The following PRIM2 variants were observed in gnomAD, a reference collection of about 807,000 sequenced individuals.
The protein encoded by PRIM2 is DNA primase subunit 2.
In PRIM2, 39 loss-of-function variants were observed where a neutral mutation model predicts 67.3. The ratio of observed to expected loss-of-function variants is 0.58; its 90% confidence interval spans 0.45 to 0.76. PRIM2 has a LOEUF of 0.76. Among genes scored for constraint, PRIM2 ranks in the 30% least tolerant of loss-of-function variants. The pLI, the probability that PRIM2 is intolerant of heterozygous loss-of-function variation, is 0.00. For missense variants in PRIM2, 398 were observed against 598.7 expected (o/e 0.66, Z 3.50); for synonymous variants, 143 against 198.7 (o/e 0.72, Z 2.36).
intron 13 of PRIM2, among the ~76,000 whole-genome samples, chr6:57,638,861 T>G (rs1428793299): frequency 3.3e-5 from 5 of 152,060 alleles, no homozygotes; most frequent in Non-Finnish European, 7.4e-5. Flanking sequence ...GACAGAAAAT[T>G]AACAAGGATA....
chr6:57,269,906 G>C, the PRIM2 span, among the ~76,000 whole-genome samples: 1 of 152,174 alleles, frequency 6.6e-6, no homozygotes, highest in East Asian at 1.9e-4. Flanking sequence ...CCCATTGCTT[G>C]TTTTTGTGAG....
intron 12 of PRIM2, among the ~76,000 whole-genome samples, chr6:57,630,341 G>T (rs1283569393): frequency 2.6e-5 from 4 of 152,058 alleles, no homozygotes; most frequent in Non-Finnish European, 5.9e-5. Flanking sequence ...CCCTCTCTGC[G>T]AGTGGGGTCA....
intron 7 of PRIM2, among the ~76,000 whole-genome samples, chr6:57,394,324 T>A (rs1029777009): frequency 1.3e-5 from 2 of 152,340 alleles, no homozygotes; most frequent in East Asian, 1.9e-4. Flanking sequence ...GTTTGTGTTA[T>A]CTATGATTTC....
At chr6:57,417,373 T>C (rs1361166549) in intron 7 of PRIM2, among the ~76,000 whole-genome samples, 8 of 152,210 alleles carry the variant, frequency 5.3e-5, no homozygotes, top group Admixed American at 5.2e-4. Context: ...ACATGAGGCC[T>C]AGCTTTCAAC....
intron 7 of PRIM2, among the ~76,000 whole-genome samples, chr6:57,465,173 C>A (rs1259833478): frequency 1.3e-5 from 2 of 152,088 alleles, no homozygotes; most frequent in African/African-American, 4.8e-5. Context: ...TGGGAAATTC[C>A]TATGTGTGGA....
chr6:57,245,843 C>T, the PRIM2 span, among the ~76,000 whole-genome samples: 3 of 152,240 alleles, frequency 2.0e-5, no homozygotes. Context: ...CATGAGAGTG[C>T]ACTTGGATTA....
chr6:57,272,178 A>G, the PRIM2 span, among the ~76,000 whole-genome samples: 1 of 152,260 alleles, frequency 6.6e-6, no homozygotes, highest in East Asian at 1.9e-4. Context: ...ATTCCTGGGT[A>G]TCCTTGTTAA....
chr6:57,395,663 T>G (rs528090492), intron 7 of PRIM2, among the ~76,000 whole-genome samples: 1 of 152,286 alleles, frequency 6.6e-6, no homozygotes, highest in Admixed American at 6.5e-5. Flanking sequence ...CAGTTTCATT[T>G]AATTCTGCTC....
At chr6:57,528,704 C>A (rs1362584303) in intron 8 of PRIM2, among the ~76,000 whole-genome samples, 1 of 152,208 alleles carries the variant, frequency 6.6e-6, no homozygotes, top group Admixed American at 6.5e-5. Context: ...GACTAAGAAG[C>A]TGAGACTTAT....
intron 13 of PRIM2, among the ~76,000 whole-genome samples, chr6:57,636,935 C>T (rs1424398850): frequency 6.6e-6 from 1 of 152,150 alleles, no homozygotes; most frequent in African/African-American, 2.4e-5. Flanking sequence ...TCAAGTGGGT[C>T]CCTGACCACC....
the PRIM2 span, among the ~76,000 whole-genome samples, chr6:57,280,478 C>T: frequency 6.6e-6 from 1 of 151,946 alleles, no homozygotes; most frequent in Non-Finnish European, 1.5e-5. Context: ...TAGGTCCTTC[C>T]CCCAGCTTCC....
At chr6:57,259,799 C>T in the PRIM2 span, among the ~76,000 whole-genome samples, 1 of 152,192 alleles carries the variant, frequency 6.6e-6, no homozygotes, top group Admixed American at 6.5e-5. Flanking sequence ...GAGTCCCCAT[C>T]CCACTGCCCA....
At chr6:57,458,451 A>G (rs1255615091) in intron 7 of PRIM2, among the ~76,000 whole-genome samples, 9 of 152,192 alleles carry the variant, frequency 5.9e-5, no homozygotes, top group African/African-American at 2.2e-4. Context: ...TGGGAGGCCA[A>G]GGTGGGCAGA....
chr6:57,260,504 A>G, the PRIM2 span, among the ~76,000 whole-genome samples: 1 of 152,178 alleles, frequency 6.6e-6, no homozygotes, highest in Non-Finnish European at 1.5e-5. Flanking sequence ...TCAGCAATTT[A>G]TTTCATTTTT....
intron 13 of PRIM2, among the ~76,000 whole-genome samples, chr6:57,638,981 T>C (rs1475975220): frequency 6.6e-6 from 1 of 152,166 alleles, no homozygotes; most frequent in Non-Finnish European, 1.5e-5. Flanking sequence ...ATTGCACTTA[T>C]TCTAAAATTG....
chr6:57,640,003 T>C (rs1356421574), intron 13 of PRIM2, among the ~76,000 whole-genome samples: 1 of 152,014 alleles, frequency 6.6e-6, no homozygotes, highest in African/African-American at 2.4e-5. Context: ...ACTGGCAAAC[T>C]GAATCCAGCA....
At chr6:57,487,499 G>C (rs1372822190) in intron 7 of PRIM2, among the ~76,000 whole-genome samples, 45 of 152,202 alleles carry the variant, frequency 3.0e-4, no homozygotes, top group Admixed American at 5.9e-4. Flanking sequence ...AAAGTGCTGG[G>C]ATTACAGGCA....
intron 8 of PRIM2, among the ~76,000 whole-genome samples, chr6:57,513,784 G>A (rs1774419910): frequency 1.3e-5 from 2 of 152,188 alleles, no homozygotes; most frequent in African/African-American, 4.8e-5. Context: ...TGAGGCAGGA[G>A]AATCACTTGA....
the PRIM2 span, among the ~76,000 whole-genome samples, chr6:57,228,370 T>C: frequency 1.3e-5 from 2 of 152,230 alleles, no homozygotes; most frequent in African/African-American, 4.8e-5. Flanking sequence ...CAGGTTGAGA[T>C]GCAGCTTCTC....
Sources: gnomAD v4.1 joint callset for allele counts (sites outside exome capture counted in the v4.1 genomes callset) on GRCh38, gnomAD v4.1.1 for gene constraint, MANE v1.5 for transcripts, NCBI Gene and HGNC (gene_info 2026-07-23, HGNC 2026-07-21) for gene names.